The following CDH1 variants were observed in gnomAD, a reference collection of about 807,000 sequenced individuals.
The protein encoded by CDH1 is cadherin 1, also known as cadherin-1.
CDH1 carries 35 observed loss-of-function variants against 84.5 expected under a neutral mutation model. That is an observed-to-expected ratio of 0.41 (90% CI 0.32 to 0.55). The LOEUF (loss-of-function observed/expected upper bound fraction) is 0.55, where lower values mean the gene tolerates loss of function less well. Ranked by LOEUF, CDH1 falls within the 20% of genes least tolerant of loss-of-function variation. The pLI, the probability that CDH1 is intolerant of heterozygous loss-of-function variation, is 0.19. For missense variants in CDH1, 994 were observed against 1,126.6 expected, an observed-to-expected ratio of 0.88 and a Z score of 1.68; for synonymous variants, 417 against 439.0, an observed-to-expected ratio of 0.95 and a Z score of 0.63.
intron 2 of CDH1, among the ~76,000 whole-genome samples, chr16:68,794,301 G>A (rs971490671): frequency 1.3e-4 from 20 of 151,918 alleles, no homozygotes; most frequent in African/African-American, 2.4e-4. Context: ...TCTGCCTCCC[G>A]AAGTGTTGGG....
chr16:68,770,505 A>G (rs542106229), intron 2 of CDH1, among the ~76,000 whole-genome samples: 2 of 152,166 alleles, frequency 1.3e-5, no homozygotes, highest in South Asian at 2.1e-4. Flanking sequence ...GCTGTGGGCC[A>G]GGCACCAGCC....
chr16:68,740,350 T>C (rs759424962), intron 2 of CDH1, among the ~76,000 whole-genome samples: 20 of 152,164 alleles, frequency 1.3e-4, no homozygotes, highest in Non-Finnish European at 2.1e-4. Context: ...TGATGAAGTA[T>C]ATTTGCTCTG....
At chr16:68,778,496 T>C (rs1053505602) in intron 2 of CDH1, among the ~76,000 whole-genome samples, 1 of 152,192 alleles carries the variant, frequency 6.6e-6, no homozygotes, top group Admixed American at 6.6e-5. Context: ...TAGTAAACAA[T>C]TGTGAGCCCC....
intron 13 of CDH1, 63 bp downstream of exon 13, chr16:68,823,689 G>A: frequency 8.9e-7 from 1 of 1,126,978 alleles, no homozygotes; most frequent in Non-Finnish European, 1.3e-6. Context: ...TTTATTTCCT[G>A]GAAATGATTT....
chr16:68,746,642 G>T (rs1286965573), intron 2 of CDH1, among the ~76,000 whole-genome samples: 2 of 151,978 alleles, frequency 1.3e-5, no homozygotes, highest in African/African-American at 2.4e-5. Context: ...AGAACTCTAT[G>T]GATGCAAGGA....
At chr16:68,808,152 A>G (rs1167201073) in intron 3 of CDH1, among the ~76,000 whole-genome samples, 1 of 152,242 alleles carries the variant, frequency 6.6e-6, no homozygotes, top group African/African-American at 2.4e-5. Context: ...ATACTTGTGT[A>G]TGCATGATGA....
chr16:68,832,869 C>T (rs188668773), intron 15 of CDH1, among the ~76,000 whole-genome samples: 2 of 152,170 alleles, frequency 1.3e-5, no homozygotes, highest in African/African-American at 4.8e-5. Flanking sequence ...TTAGTTCCCA[C>T]ACCCCCACTC....
At chr16:68,749,377 A>C (rs1326728067) in intron 2 of CDH1, among the ~76,000 whole-genome samples, 1 of 152,230 alleles carries the variant, frequency 6.6e-6, no homozygotes, top group Non-Finnish European at 1.5e-5. Flanking sequence ...TGCTTGGAAT[A>C]ATGTGAAGTA....
At position 68,739,816 on chromosome 16, in the gene CDH1, T is replaced by C. The variant is rs942883632; in HGVS notation, c.163+1405T>C. Among the ~76,000 whole-genome samples the C allele has an allele frequency of 2.0e-5, 3 of 152,072 alleles. No homozygotes were observed. The South Asian group carries it at 6.3e-4, about 32-fold the overall frequency. Reference sequence around the variant, plus strand: ...TTTTAGCAGAGAAGGGGTTTCACCATGTTGGCCAGGCTGGTCTGGATCTCC... The same window carrying C: ...TTTTAGCAGAGAAGGGGTTTCACCACGTTGGCCAGGCTGGTCTGGATCTCC... On this transcript the variant is annotated intron_variant, in intron 2 of 15. Transcript: ENST00000261769.
At chr16:68,737,780 T>G in intron 1 of CDH1, among the ~76,000 whole-genome samples, 1 of 147,510 alleles carries the variant, frequency 6.8e-6, no homozygotes, top group African/African-American at 2.5e-5. Context: ...GGGTGGGGTG[T>G]GGAGAAGGGG....
intron 11 of CDH1, 111 bp from the exon 12 acceptor site, chr16:68,821,890 G>A (rs1209766879): frequency 2.0e-5 from 17 of 842,446 alleles, no homozygotes; most frequent in Admixed American, 1.7e-4. Flanking sequence ...AGTGGGGCCT[G>A]GTGAGGGACC....
At chr16:68,779,825 C>G (rs1172442580) in intron 2 of CDH1, among the ~76,000 whole-genome samples, 1 of 151,982 alleles carries the variant, frequency 6.6e-6, no homozygotes, top group Non-Finnish European at 1.5e-5. Flanking sequence ...TGCACTCCAG[C>G]CTGGCAACAG....
Position 68,823,406 on chromosome 16 carries a change from A to G in CDH1, c.1944A>G (p.Glu648=), listed in dbSNP as rs1596965497. Residue 648 remains glutamate (E), a synonymous_variant, in exon 13 of 16, where the codon GAA becomes GAG. Transcript: ENST00000261769. ...WTIQYNDPTQ[E]SIILKPKMAL... is the part of the protein sequence containing the mutation. The stretch of plus-strand genomic sequence containing the variant: ...TTTTATTGCTTTCTCCAGCCCAAGA[A>G]TCTATCATTTTGAAGCCAAAGATGG... 4.3e-6 allele frequency: 7 copies of G among 1,609,644 alleles called. No homozygotes were observed. The highest frequency in any genetic ancestry group is 6.0e-6 in the Non-Finnish European group (7 of 1,176,092).
At chr16:68,751,340 A>G (rs1356876575) in intron 2 of CDH1, among the ~76,000 whole-genome samples, 2 of 152,108 alleles carry the variant, frequency 1.3e-5, no homozygotes, top group Non-Finnish European at 2.9e-5. Flanking sequence ...GGTTATACTT[A>G]GAACACACTA....
chr16:68,817,965 A>C (rs35690805), intron 10 of CDH1, among the ~76,000 whole-genome samples: 3,628 of 152,258 alleles, frequency 0.024, 147 homozygotes, highest in African/African-American at 0.082. Flanking sequence ...AAGACTGGTC[A>C]CGGTGGCTCA....
chr16:68,807,280 G>C (rs1373060833), intron 3 of CDH1, among the ~76,000 whole-genome samples: 3 of 152,136 alleles, frequency 2.0e-5, no homozygotes, highest in African/African-American at 7.2e-5. Flanking sequence ...GTGAGATGAA[G>C]AGATTTATAT....
intron 2 of CDH1, among the ~76,000 whole-genome samples, chr16:68,787,504 GTTGA>G (rs1960086577): frequency 6.6e-6 from 1 of 151,258 alleles, no homozygotes; most frequent in African/African-American, 2.4e-5. Context: ...GTTTTTAGTT[GTTGA>G]TTTTTTTTTT....
chr16:68,756,547 T>G (rs1054887633), intron 2 of CDH1, among the ~76,000 whole-genome samples: 1 of 152,162 alleles, frequency 6.6e-6, no homozygotes, highest in African/African-American at 2.4e-5. Flanking sequence ...TCTGTTAGCT[T>G]CGTGCTAAAA....
chr16:68,828,043 T>C (rs537005987), intron 13 of CDH1, 131 bp from the exon 14 acceptor site: 1 of 918,506 alleles, frequency 1.1e-6, no homozygotes, highest in Admixed American at 1.7e-5. Flanking sequence ...CATCTTCAAG[T>C]GTATTGAAGG....
Sources: allele counts gnomAD v4.1 joint callset (sites outside exome capture counted in the v4.1 genomes callset), GRCh38; gene constraint gnomAD v4.1.1; transcripts MANE v1.5; gene names NCBI Gene and HGNC (gene_info 2026-07-23, HGNC 2026-07-21).